The following EYA2 variants were observed in gnomAD, a reference collection of about 807,000 sequenced individuals.
EYA2 encodes EYA transcriptional coactivator and phosphatase 2, also known as protein phosphatase EYA2.
EYA2 carries 31 observed loss-of-function variants against 69.2 expected under a neutral mutation model. The ratio of observed to expected loss-of-function variants is 0.45; its 90% CI spans 0.34 to 0.60. The LOEUF is 0.60. Among genes scored for constraint, EYA2 ranks in the 20% least tolerant of loss-of-function variants. The pLI is 0.02. For missense variants in EYA2, 622 were observed against 701.2 expected (o/e 0.89, Z 1.28); for synonymous variants, 257 against 279.4 (o/e 0.92, Z 0.80).
chr20:47,020,238 C>CTT (rs1568728281), intron 5 of EYA2, among the ~76,000 whole-genome samples: 1 of 152,186 alleles, frequency 6.6e-6, no homozygotes, highest in Non-Finnish European at 1.5e-5. Context: ...AACAGAGTGT[C>CTT]TTACGGAAGA....
rs1443898911 is a variant in EYA2 at position 46,905,188 on chromosome 20, C to A, written c.-11+10201C>A. Among the ~76,000 whole-genome samples, 12 of 105,808 alleles carry A rather than the reference C, an allele frequency of 1.1e-4. 1 individual carries two copies. The highest frequency in any genetic ancestry group is 1.4e-4 in the Non-Finnish European group (6 of 44,376). The allele number at this position is 105,808 out of a possible 152,430, so 69.4% of individuals were successfully genotyped here. On this transcript the variant is annotated intron_variant, in intron 1 of 15. Transcript: ENST00000327619. The stretch of plus-strand genomic sequence containing the variant: ...GACACTTTCACAAAGCTCATTTAAT[C>A]CTCTCAAAAAAAAAAAATACATGAT...
At chr20:47,114,627 A>C (rs945522732) in intron 9 of EYA2, among the ~76,000 whole-genome samples, 11 of 152,158 alleles carry the variant, frequency 7.2e-5, no homozygotes. Flanking sequence ...TAATAATAAT[A>C]ATAATAAAGC....
At chr20:47,187,990 C>A in intron 15 of EYA2, 63 bp from the exon 16 acceptor site, 1 of 1,518,604 alleles carries the variant, frequency 6.6e-7, no homozygotes. Flanking sequence ...CCTCTAACCA[C>A]AGGCGTGGAA....
chr20:46,994,964 G>A (rs1021269435), intron 2 of EYA2, among the ~76,000 whole-genome samples: 3 of 151,518 alleles, frequency 2.0e-5, no homozygotes, highest in Non-Finnish European at 4.4e-5. Flanking sequence ...GCAGTGGCAC[G>A]ATCTCGGCTC....
chr20:46,944,169 C>T (rs1978330989), intron 1 of EYA2, among the ~76,000 whole-genome samples: 1 of 152,198 alleles, frequency 6.6e-6, no homozygotes, highest in East Asian at 1.9e-4. Context: ...GGCCTGGCTG[C>T]TCCCAGGAAA....
chr20:47,144,634 G>GT (rs1200280481), intron 10 of EYA2, among the ~76,000 whole-genome samples: 1 of 152,164 alleles, frequency 6.6e-6, no homozygotes, highest in African/African-American at 2.4e-5. Context: ...TCAGTCTTGT[G>GT]TTTTGTCTAA....
intron 2 of EYA2, among the ~76,000 whole-genome samples, chr20:47,000,286 G>C (rs1283493974): frequency 6.6e-6 from 1 of 152,198 alleles, no homozygotes; most frequent in Non-Finnish European, 1.5e-5. Context: ...GTCCTTGCAA[G>C]ATAAGTATTT....
At chr20:47,018,297 C>CCATT (rs377411120) in intron 5 of EYA2, among the ~76,000 whole-genome samples, 37 of 142,694 alleles carry the variant, frequency 2.6e-4, no homozygotes, top group South Asian at 7.3e-4. Context: ...GGAGAGGCCC[C>CCATT]CATTCATTCA....
At chr20:47,153,892 ACTT>A (rs1208069953) in intron 10 of EYA2, among the ~76,000 whole-genome samples, 1 of 152,006 alleles carries the variant, frequency 6.6e-6, no homozygotes, top group Non-Finnish European at 1.5e-5. Flanking sequence ...CTGACTTTCC[ACTT>A]CTTCGTCTGA....
Position 47,072,601 on chromosome 20 carries a change from G to A in EYA2, c.483+349G>A, listed in dbSNP as rs547540793. ...GACCATGGGCTTCTCAAGGGGGACC[G>A]TATATCTTGCTCACCTCTGCATCCC... On this transcript the variant is annotated intron_variant, in intron 6 of 15. Transcript: ENST00000327619. Among the ~76,000 whole-genome samples, 9 of 152,264 alleles carry A rather than the reference G, an allele frequency of 5.9e-5. No homozygotes were observed. In the East Asian group the frequency reaches 1.3e-3, roughly 23 times the overall value.
intron 1 of EYA2, among the ~76,000 whole-genome samples, chr20:46,969,303 C>T (rs1373609680): frequency 2.6e-5 from 4 of 152,024 alleles, no homozygotes; most frequent in Non-Finnish European, 5.9e-5. Context: ...CTGCAACCTC[C>T]GCCTCCTGGG....
chr20:47,008,434 G>T (rs1412730112), intron 4 of EYA2, among the ~76,000 whole-genome samples: 1 of 152,182 alleles, frequency 6.6e-6, no homozygotes, highest in Non-Finnish European at 1.5e-5. Context: ...ACCTATGACA[G>T]ACCTTGGCCA....
Position 47,143,104 on chromosome 20 carries a change from A to G in EYA2, c.934A>G (p.Ile312Val). 1 of 1,613,872 alleles carries G rather than the reference A, an allele frequency of 6.2e-7. No individual in the cohort carries two copies. Among genetic ancestry groups the G allele is most frequent in the Non-Finnish European group, 8.5e-7 (1 of 1,179,908 alleles). ...CATTGGCCTTATGATGGAAGAGATG[A>G]TCTTCAACCTTGCAGATACACATCT... ...VRIGLMMEEM[I>V]FNLADTHLFF... The change falls in exon 10 of 16, where the codon ATC (isoleucine) becomes GTC (valine). Residue 312 changes from isoleucine (I) to valine (V), a missense_variant. Physicochemically the swap from Ile to Val is conservative, Grantham distance 29. Coordinates refer to ENST00000327619, the MANE Select transcript of EYA2 (RefSeq NM_005244.5).
At chr20:47,006,570 A>G (rs190755804) in intron 4 of EYA2, among the ~76,000 whole-genome samples, 136 of 152,234 alleles carry the variant, frequency 8.9e-4, no homozygotes, top group Non-Finnish European at 3.5e-4. Flanking sequence ...TGACTCTTAC[A>G]TTTCTTTCCT....
Position 47,162,581 on chromosome 20 carries a change from G to A in EYA2, c.979-6558G>A, listed in dbSNP as rs55948943. On this transcript the variant is annotated intron_variant, in intron 10 of 15. Coordinates refer to ENST00000327619, the MANE Select transcript of EYA2 (RefSeq NM_005244.5). ...CACCCAGGCTGAAGTACAGTGGTGC[G>A]ATCATAACTCACTCCAGCCTCGACC... Among the ~76,000 whole-genome samples, 763 of 143,376 alleles carry A rather than the reference G, an allele frequency of 5.3e-3. 4 individuals carry two copies. The highest frequency in any genetic ancestry group is 8.6e-3 in the Non-Finnish European group (577 of 66,774). 94.1% of individuals were successfully genotyped at this position (143,376 alleles called of 152,430 possible).
intron 9 of EYA2, among the ~76,000 whole-genome samples, chr20:47,126,065 G>A (rs1272615636): frequency 2.6e-5 from 4 of 152,164 alleles, no homozygotes; most frequent in Non-Finnish European, 4.4e-5. Context: ...CTGCAGACGG[G>A]CAGGTCTGCA....
chr20:46,970,977 C>G (rs938676794), intron 1 of EYA2, among the ~76,000 whole-genome samples: 2 of 151,872 alleles, frequency 1.3e-5, no homozygotes, highest in Admixed American at 6.6e-5. Context: ...GGAAATGGGG[C>G]AGGACTGGCC....
intron 9 of EYA2, among the ~76,000 whole-genome samples, chr20:47,121,588 C>G (rs2033045846): frequency 6.6e-6 from 1 of 152,272 alleles, no homozygotes; most frequent in South Asian, 2.1e-4. Flanking sequence ...CTACAGTAGG[C>G]AGGAGGATCA....
intron 1 of EYA2, among the ~76,000 whole-genome samples, chr20:46,988,179 A>G (rs1262550360): frequency 7.4e-6 from 1 of 135,896 alleles, no homozygotes; most frequent in African/African-American, 2.8e-5. Flanking sequence ...AAGGTACTTG[A>G]GCACTTGCCA....
Sources: gnomAD v4.1 joint callset for allele counts (sites outside exome capture counted in the v4.1 genomes callset) on GRCh38, gnomAD v4.1.1 for gene constraint, MANE v1.5 for transcripts, NCBI Gene and HGNC (gene_info 2026-07-23, HGNC 2026-07-21) for gene names.